Variants in KCNT2 observed in about 807,000 individuals in gnomAD.
KCNT2 encodes potassium channel subfamily T member 2.
Under a neutral mutation model 153.8 loss-of-function variants are expected in KCNT2, and 67 were observed. The observed-to-expected ratio is 0.44, with a 90% CI of 0.36 to 0.53. The LOEUF (loss-of-function observed/expected upper bound fraction) is 0.53, where lower values mean the gene tolerates loss of function less well. Among genes scored for constraint, KCNT2 ranks in the 20% least tolerant of loss-of-function variants. KCNT2 has a pLI of 0.00. For missense variants in KCNT2, 975 were observed against 1,354.8 expected (o/e 0.72, Z 4.40); for synonymous variants, 500 against 458.8 (o/e 1.09, Z -1.15).
At chr1:196,389,113 C>T (rs745455449) in intron 13 of KCNT2, among the ~76,000 whole-genome samples, 3 of 151,682 alleles carry the variant, frequency 2.0e-5, no homozygotes, top group Non-Finnish European at 4.4e-5. Flanking sequence ...TTATTTTCCC[C>T]TTTAATGTAT....
chr1:196,464,303 G>T (rs1198299744), intron 8 of KCNT2, among the ~76,000 whole-genome samples: 1 of 151,734 alleles, frequency 6.6e-6, no homozygotes, highest in Admixed American at 6.6e-5. Flanking sequence ...GATCTTAGAG[G>T]TTATTTTATA....
chr1:196,422,417 C>G (rs977445587), intron 12 of KCNT2, among the ~76,000 whole-genome samples: 25 of 151,674 alleles, frequency 1.6e-4, no homozygotes, highest in Non-Finnish European at 5.9e-5. Context: ...ATTTACTGAA[C>G]ATAAAATAAT....
intron 10 of KCNT2, 33 bp downstream of exon 10, chr1:196,428,072 T>C (rs1673808200): frequency 1.3e-6 from 2 of 1,557,784 alleles, no homozygotes; most frequent in Middle Eastern, 1.7e-4. Context: ...GTAGGTATGA[T>C]CCAGTATAGC....
chr1:196,353,037 T>C (rs1666868115), intron 14 of KCNT2, among the ~76,000 whole-genome samples: 1 of 152,118 alleles, frequency 6.6e-6, no homozygotes, highest in Admixed American at 6.6e-5. Flanking sequence ...AATCCTGAGT[T>C]CTAGTTTGAT....
chr1:196,301,558 G>A (rs1661186663), intron 22 of KCNT2, among the ~76,000 whole-genome samples: 2 of 151,970 alleles, frequency 1.3e-5, no homozygotes, highest in Admixed American at 1.3e-4. Context: ...TAGAATGCAA[G>A]GTCTACAAGG....
At chr1:196,434,719 T>C (rs1174325814) in intron 8 of KCNT2, among the ~76,000 whole-genome samples, 2 of 151,966 alleles carry the variant, frequency 1.3e-5, no homozygotes, top group Non-Finnish European at 2.9e-5. Flanking sequence ...CAATCTGAAC[T>C]GGACTAATGA....
At chr1:196,420,425 A>C (rs1398281667) in intron 12 of KCNT2, among the ~76,000 whole-genome samples, 1 of 151,636 alleles carries the variant, frequency 6.6e-6, no homozygotes, top group Non-Finnish European at 1.5e-5. Context: ...AATGTCCTCA[A>C]ATCCCTATGT....
At chr1:196,391,834 A>G (rs1670522726) in intron 13 of KCNT2, among the ~76,000 whole-genome samples, 3 of 151,398 alleles carry the variant, frequency 2.0e-5, no homozygotes, top group Admixed American at 1.3e-4. Flanking sequence ...CACTATCTAT[A>G]CTGCTTTTCC....
intron 5 of KCNT2, 37 bp from the exon 6 acceptor site, chr1:196,469,105 A>T (rs761714803): frequency 8.2e-7 from 1 of 1,216,092 alleles, no homozygotes; most frequent in Non-Finnish European, 1.2e-6. Context: ...AAAGTCAATT[A>T]TACTGCCTCC....
At chr1:196,240,639 T>G (rs1453107126) in intron 26 of KCNT2, among the ~76,000 whole-genome samples, 2 of 152,054 alleles carry the variant, frequency 1.3e-5, no homozygotes, top group Admixed American at 6.6e-5. Flanking sequence ...TTGGTTTAAT[T>G]TGCAGAAAGT....
At chr1:196,323,197 T>C (rs968099279) in intron 19 of KCNT2, among the ~76,000 whole-genome samples, 13 of 151,920 alleles carry the variant, frequency 8.6e-5, no homozygotes, top group African/African-American at 3.1e-4. Context: ...ACATCAGGGA[T>C]TTTATCATTA....
At chr1:196,412,636 C>T (rs892512573) in intron 12 of KCNT2, among the ~76,000 whole-genome samples, 1 of 151,404 alleles carries the variant, frequency 6.6e-6, no homozygotes. Context: ...TTAGCAGCCC[C>T]CTACCCCCCA....
At chr1:196,374,913 CAG>C (rs996349296) in intron 13 of KCNT2, among the ~76,000 whole-genome samples, 7 of 151,758 alleles carry the variant, frequency 4.6e-5, no homozygotes, top group African/African-American at 1.7e-4. Flanking sequence ...CAAACTGTAA[CAG>C]AAAATTTGGA....
chr1:196,300,685 C>G (rs1449363919), intron 22 of KCNT2, among the ~76,000 whole-genome samples: 1 of 152,176 alleles, frequency 6.6e-6, no homozygotes, highest in Admixed American at 6.5e-5. Context: ...CATACAAATA[C>G]ACAGATTCCC....
chr1:196,573,836 A>C (rs1288314560), intron 1 of KCNT2, among the ~76,000 whole-genome samples: 3 of 151,732 alleles, frequency 2.0e-5, no homozygotes, highest in Non-Finnish European at 4.4e-5. Context: ...TGTTTTTTTA[A>C]CTTTATCTTG....
In KCNT2 at chr1:196,226,510, T is replaced by C. The variant is rs1653502225; in HGVS notation, c.*1714A>G. 6.6e-6 allele frequency: 1 copy of C among 152,028 alleles called. No individual in the cohort carries two copies. The highest frequency in any genetic ancestry group is 2.1e-4 in the South Asian group (1 of 4,830). 9.4% of individuals were successfully genotyped at this position (152,028 alleles called of 1,614,324 possible). A position where few individuals can be genotyped will look rare whatever the true frequency, so the allele number is the denominator to read the frequency against. ...CCTGTTATAAATTCTACTTCTCTGA[T>C]CAAAGTAGATTAAATACAGGGTCTC... On this transcript the variant is annotated 3_prime_UTR_variant, in exon 28 of 28. Coordinates refer to ENST00000294725, the MANE Select transcript of KCNT2 (RefSeq NM_198503.5).
intron 22 of KCNT2, among the ~76,000 whole-genome samples, chr1:196,288,261 G>T (rs1659862461): frequency 6.6e-6 from 1 of 152,082 alleles, no homozygotes; most frequent in Non-Finnish European, 1.5e-5. Context: ...CAATAAGTTT[G>T]GACTAGGTCT....
chr1:196,316,651 C>T (rs1409688505), intron 20 of KCNT2, among the ~76,000 whole-genome samples: 6 of 151,586 alleles, frequency 4.0e-5, no homozygotes, highest in African/African-American at 9.7e-5. Context: ...TTGAATAACC[C>T]GATTTCTTTG....
At chr1:196,474,633 G>A (rs991324836) in intron 5 of KCNT2, among the ~76,000 whole-genome samples, 3 of 152,200 alleles carry the variant, frequency 2.0e-5, no homozygotes, top group Admixed American at 6.5e-5. Context: ...AGGGTTCTAG[G>A]TATGATGAAT....
Sources: allele counts gnomAD v4.1 joint callset (sites outside exome capture counted in the v4.1 genomes callset), GRCh38; gene constraint gnomAD v4.1.1; transcripts MANE v1.5; gene names NCBI Gene and HGNC (gene_info 2026-07-23, HGNC 2026-07-21).